TACR3: variants seen among roughly 807,000 people sequenced by gnomAD.
The protein encoded by TACR3 is neuromedin-K receptor.
TACR3 carries 34 observed loss-of-function variants against 35.0 expected under a neutral mutation model. The ratio of observed to expected loss-of-function variants is 0.97; its 90% CI spans 0.74 to 1.30. The LOEUF (loss-of-function observed/expected upper bound fraction) is 1.30. TACR3 is among the 50% of genes most tolerant of loss of function. The pLI, the probability that TACR3 is intolerant of heterozygous loss-of-function variation, is 0.00. For synonymous variants in TACR3, 233 were observed against 221.1 expected, an observed-to-expected ratio of 1.05 and a Z score of -0.48; for missense variants, 558 against 591.7, an observed-to-expected ratio of 0.94 and a Z score of 0.59.
intron 1 of TACR3, among the ~76,000 whole-genome samples, chr4:103,712,088 C>T (rs889560687): frequency 4.0e-4 from 61 of 152,236 alleles, no homozygotes; most frequent in African/African-American, 1.3e-3. Context: ...TTTATAGATT[C>T]AATGCCATCC....
intron 3 of TACR3, among the ~76,000 whole-genome samples, chr4:103,612,127 T>G (rs911941410): frequency 1.3e-5 from 2 of 152,208 alleles, no homozygotes; most frequent in Non-Finnish European, 2.9e-5. Context: ...TCAAAGCTTC[T>G]GTTATATTTT....
chr4:103,686,463 A>C (rs1309285462), intron 1 of TACR3, among the ~76,000 whole-genome samples: 1 of 152,196 alleles, frequency 6.6e-6, no homozygotes, highest in African/African-American at 2.4e-5. Flanking sequence ...ATAGACCACA[A>C]ACTGTCAAAC....
Position 103,616,424 on chromosome 4 carries a change from A to C in TACR3, c.889-24741T>G, listed in dbSNP as rs78651376. Among the ~76,000 whole-genome samples the C allele has an allele frequency of 6.7e-3, 1,019 of 152,188 alleles. 10 individuals are homozygous for C. Among genetic ancestry groups the C allele is most frequent in the African/African-American group, 0.023 (954 of 41,544 alleles). On this transcript the variant is annotated intron_variant, in intron 3 of 4. Transcript: ENST00000304883. ...GAGTAGCATGTATATTTATCTCTCTATAGACACACACATATACATTATACT... is the reference window on the plus strand; with the variant it reads ...GAGTAGCATGTATATTTATCTCTCTCTAGACACACACATATACATTATACT...
At position 103,614,270 on chromosome 4, in the gene TACR3, G is replaced by GT. The variant is rs1002226932; in HGVS notation, c.889-22588dup. 2.0e-5 allele frequency among the ~76,000 whole-genome samples: 3 copies of GT among 152,078 alleles called. No homozygotes were observed. In the East Asian group the frequency reaches 5.8e-4, roughly 29 times the overall value. On this transcript the variant is annotated intron_variant, in intron 3 of 4. Coordinates refer to ENST00000304883, the MANE Select transcript of TACR3 (RefSeq NM_001059.3). Reference sequence around the variant, plus strand: ...TCTCTCTCTGGTAATCATCATAATAGTTTTTTAATAGGAAAGCTATTCAAG... The same window carrying GT: ...TCTCTCTCTGGTAATCATCATAATAGTTTTTTTAATAGGAAAGCTATTCAAG...
At chr4:103,594,181 CT>C (rs35016258) in intron 3 of TACR3, among the ~76,000 whole-genome samples, 23,872 of 147,214 alleles carry the variant, frequency 0.16, 3,122 homozygotes, top group East Asian at 0.5. Context: ...CAAAAATAAC[CT>C]TTTTTTTTTT....
At chr4:103,716,780 G>T (rs908011738) in intron 1 of TACR3, among the ~76,000 whole-genome samples, 2 of 152,134 alleles carry the variant, frequency 1.3e-5, no homozygotes, top group Admixed American at 6.5e-5. Flanking sequence ...TTTAGGCTAG[G>T]TTGATATAAT....
At chr4:103,607,072 G>T (rs1410482097) in intron 3 of TACR3, among the ~76,000 whole-genome samples, 1 of 152,076 alleles carries the variant, frequency 6.6e-6, no homozygotes, top group South Asian at 2.1e-4. Flanking sequence ...ATGCAAGGCT[G>T]GTTCAATATA....
chr4:103,688,834 A>C (rs1490524662), intron 1 of TACR3, among the ~76,000 whole-genome samples: 1 of 152,208 alleles, frequency 6.6e-6, no homozygotes. Context: ...TGTGGAAGGC[A>C]GTGTGGCGAT....
chr4:103,685,728 A>G (rs1560530776), intron 1 of TACR3, among the ~76,000 whole-genome samples: 1 of 152,194 alleles, frequency 6.6e-6, no homozygotes, highest in Non-Finnish European at 1.5e-5. Flanking sequence ...CCGAAAAAGA[A>G]AAAATAATCA....
intron 1 of TACR3, among the ~76,000 whole-genome samples, chr4:103,670,653 T>A (rs892120086): frequency 1.3e-5 from 2 of 152,108 alleles, no homozygotes; most frequent in African/African-American, 4.8e-5. Flanking sequence ...GATTTTTGTA[T>A]GTTGATTTTG....
intron 3 of TACR3, among the ~76,000 whole-genome samples, chr4:103,628,662 C>G (rs944502555): frequency 2.6e-4 from 40 of 151,912 alleles, no homozygotes; most frequent in Non-Finnish European, 5.3e-4. Flanking sequence ...AATTAATAGC[C>G]CACCAACCAA....
intron 3 of TACR3, among the ~76,000 whole-genome samples, chr4:103,599,583 C>T (rs1724136662): frequency 6.6e-6 from 1 of 152,190 alleles, no homozygotes; most frequent in Non-Finnish European, 1.5e-5. Context: ...ATGATATTGG[C>T]TGTGGGTTTG....
intron 1 of TACR3, among the ~76,000 whole-genome samples, chr4:103,682,450 G>C (rs1722121290): frequency 6.6e-6 from 1 of 152,134 alleles, no homozygotes; most frequent in Non-Finnish European, 1.5e-5. Context: ...CTGAGCAAGA[G>C]TGGGGAAAAC....
At chr4:103,600,979 C>G (rs1280348092) in intron 3 of TACR3, among the ~76,000 whole-genome samples, 1 of 152,076 alleles carries the variant, frequency 6.6e-6, no homozygotes, top group Non-Finnish European at 1.5e-5. Flanking sequence ...ATCAGGTCAG[C>G]TTTGTGCAGA....
chr4:103,599,661 T>C (rs1006222172), intron 3 of TACR3, among the ~76,000 whole-genome samples: 1 of 152,240 alleles, frequency 6.6e-6, no homozygotes, highest in African/African-American at 2.4e-5. Flanking sequence ...TTTTTTAGCA[T>C]GAAGTGCTGT....
At position 103,656,225 on chromosome 4, in the gene TACR3, T is replaced by C. The variant is rs2276973; in HGVS notation, c.857A>G (p.Lys286Arg). The C allele has an allele frequency of 2.6e-3, 4,189 of 1,613,020 alleles. 37 individuals are homozygous for C. In the African/African-American group the frequency reaches 0.026, roughly 10 times the overall value. The part of the protein sequence containing the change: ...GGEIPGDTCD[K>R]YHEQLKAKRK... ...TTTGGCCTTTAGCTGCTCATGATACTTGTCACAGGTATCTCCTGGGATTTC... is the reference window on the plus strand; with the variant it reads ...TTTGGCCTTTAGCTGCTCATGATACCTGTCACAGGTATCTCCTGGGATTTC... The change falls in exon 3 of 5, where the codon AAG becomes AGG. Residue 286 changes from lysine (K) to arginine (R), a missense_variant. Physicochemically the swap from Lys to Arg is conservative, Grantham distance 26. Coordinates refer to ENST00000304883, the MANE Select transcript of TACR3 (RefSeq NM_001059.3).
chr4:103,683,689 C>A (rs1214435815), intron 1 of TACR3, among the ~76,000 whole-genome samples: 2 of 151,898 alleles, frequency 1.3e-5, no homozygotes, highest in Non-Finnish European at 2.9e-5. Flanking sequence ...AAATATGAAT[C>A]TCTAGTACCT....
intron 3 of TACR3, among the ~76,000 whole-genome samples, chr4:103,604,273 A>G (rs1038916688): frequency 1.3e-5 from 2 of 152,230 alleles, no homozygotes; most frequent in Non-Finnish European, 2.9e-5. Flanking sequence ...AAACCTGACA[A>G]AAACAATCAA....
chr4:103,624,651 G>C (rs1337438134), intron 3 of TACR3: 2 of 145,036 alleles, frequency 1.4e-5, no homozygotes, highest in Admixed American at 1.3e-4. Flanking sequence ...AATAGTATTA[G>C]AAAGAAATCT....
Sources: allele counts gnomAD v4.1 joint callset (sites outside exome capture counted in the v4.1 genomes callset), GRCh38; gene constraint gnomAD v4.1.1; transcripts MANE v1.5; gene names NCBI Gene and HGNC (gene_info 2026-07-23, HGNC 2026-07-21).